The following NKD1 variants were observed in gnomAD, a reference collection of about 807,000 sequenced individuals.
The protein encoded by NKD1 is NKD inhibitor of Wnt signaling pathway 1.
Under a neutral mutation model 56.0 loss-of-function variants are expected in NKD1, and 21 were observed. That is an observed-to-expected ratio of 0.38 (90% CI 0.27 to 0.54). The LOEUF (loss-of-function observed/expected upper bound fraction) is 0.54, where lower values mean the gene tolerates loss of function less well. Ranked by LOEUF, NKD1 falls within the 20% of genes least tolerant of loss-of-function variation. The pLI is 0.82. For synonymous variants in NKD1, 263 were observed against 265.7 expected (o/e 0.99, Z 0.10); for missense variants, 578 against 642.7 (o/e 0.90, Z 1.09).
chr16:50,579,180 T>C (rs528416753), intron 3 of NKD1, among the ~76,000 whole-genome samples: 61 of 151,154 alleles, frequency 4.0e-4, no homozygotes, highest in Non-Finnish European at 6.5e-4. Context: ...ATGCACTGTC[T>C]TACTCCTGCA....
In NKD1 at chr16:50,598,262, TGC is replaced by T. The variant is rs1555489626; in HGVS notation, c.193-10027_193-10026del. 9.4e-5 allele frequency among the ~76,000 whole-genome samples: 14 copies of T among 148,670 alleles called. No homozygotes were observed. The highest frequency in any genetic ancestry group is 1.6e-4 in the Non-Finnish European group (11 of 67,540). On this transcript the variant is annotated intron_variant, in intron 3 of 9. Transcript: ENST00000268459. This position sits in a 1 kb window ranked among gnomAD's most constrained non-coding sequence, Gnocchi z 4.2. The stretch of plus-strand genomic sequence containing the variant: ...GTGTGTGTGTGTGTGTGTGTGTGTG[TGC>T]GCGCACACCTGTGCTCATGGACACT...
At chr16:50,597,084 T>G (rs1961488801) in intron 3 of NKD1, among the ~76,000 whole-genome samples, 1 of 151,356 alleles carries the variant, frequency 6.6e-6, no homozygotes, top group Non-Finnish European at 1.5e-5. Context: ...TGGGTAGGGG[T>G]TGGGGTGGCG....
At chr16:50,583,543 C>T (rs1220423054) in intron 3 of NKD1, among the ~76,000 whole-genome samples, 2 of 152,196 alleles carry the variant, frequency 1.3e-5, no homozygotes, top group Non-Finnish European at 2.9e-5. Context: ...ACCAGCACAA[C>T]TGCCCAGCTG....
intron 8 of NKD1, among the ~76,000 whole-genome samples, chr16:50,631,831 G>A (rs920352598): frequency 4.6e-5 from 7 of 152,236 alleles, no homozygotes; most frequent in Non-Finnish European, 8.8e-5. Context: ...CTGGGCCGTA[G>A]GGCAGGTCAT....
At chr16:50,578,236 T>C (rs1961031535) in intron 3 of NKD1, among the ~76,000 whole-genome samples, 1 of 152,180 alleles carries the variant, frequency 6.6e-6, no homozygotes, top group South Asian at 2.1e-4. Flanking sequence ...GATCCCTGAC[T>C]GTGAATCATT....
rs1338703423 is a variant in NKD1, at chr16:50,634,823, CAG to C, written c.*1044_*1045del. 4 of 152,288 alleles carry C rather than the reference CAG, an allele frequency of 2.6e-5. No homozygotes were observed. Among genetic ancestry groups the C allele is most frequent in the African/African-American group, 9.7e-5 (4 of 41,424 alleles). 9.4% of individuals were successfully genotyped at this position (152,288 alleles called of 1,614,324 possible). A position where few individuals can be genotyped will look rare whatever the true frequency, so the allele number is the denominator to read the frequency against. On this transcript the variant is annotated 3_prime_UTR_variant, in exon 10 of 10. Transcript: ENST00000268459. ...TCTCCTTTTGGGGCTGGACGGCTCT[CAG>C]ATGCTTTCATCAGAGGTCCATTCTC...
chr16:50,549,628 C>T, intron 3 of NKD1, 73 bp downstream of exon 3: 3 of 1,394,172 alleles, frequency 2.2e-6, no homozygotes, highest in Non-Finnish European at 1.9e-6. Context: ...AACCCATGCA[C>T]CCCAACTTTG....
rs1962383740 is a variant in NKD1, at chr16:50,633,175, G to C, written c.824-17G>C. 1 of 1,585,694 alleles carries C rather than the reference G, an allele frequency of 6.3e-7. No individual in the cohort carries two copies. The highest frequency in any genetic ancestry group is 1.2e-5 in the South Asian group (1 of 86,796). On this transcript the variant is annotated splice_polypyrimidine_tract_variant and intron_variant, in intron 9 of 9. Transcript: ENST00000268459. The surrounding 1 kb of genome is among the most constrained non-coding windows in gnomAD (Gnocchi z 4.9). ...CACAGTAGGTGCTCATTAAATGTCT[G>C]TTGAATTGGTTCCTAGGCTCCCCTT... is the stretch of plus-strand genomic sequence containing the variant.
At chr16:50,550,777 T>C (rs768063283) in intron 3 of NKD1, among the ~76,000 whole-genome samples, 32 of 152,174 alleles carry the variant, frequency 2.1e-4, no homozygotes, top group Non-Finnish European at 4.0e-4. Flanking sequence ...TTGATCTACT[T>C]ATTTATTTAA....
chr16:50,594,411 G>C (rs1031636389), intron 3 of NKD1, among the ~76,000 whole-genome samples: 7 of 152,336 alleles, frequency 4.6e-5, no homozygotes, highest in Non-Finnish European at 7.4e-5. Context: ...CGTAGTTCAG[G>C]GGAGAGCCCT....
intron 4 of NKD1, among the ~76,000 whole-genome samples, chr16:50,617,344 G>A (rs1391629175): frequency 6.7e-6 from 1 of 148,724 alleles, no homozygotes; most frequent in Non-Finnish European, 1.5e-5. Flanking sequence ...TTTGATCTCA[G>A]CGGAGGAAAA....
chr16:50,633,252 C>A lies in NKD1; in HGVS notation c.884C>A (p.Ser295Tyr). ...LPPRTSNPTR[S>Y]RSHEPEAIHI... is the part of the protein sequence containing the mutation. Reference sequence around the variant, plus strand: ...CCCCGCACCTCCAATCCCACTCGATCTCGCTCCCATGAGCCGGAAGCCATC... The same window carrying A: ...CCCCGCACCTCCAATCCCACTCGATATCGCTCCCATGAGCCGGAAGCCATC... The change falls in exon 10 of 10, where the codon TCT becomes TAT. Residue 295 changes from serine to tyrosine, a missense_variant. By Grantham distance (144) the Ser-to-Tyr change is moderately radical. Coordinates refer to ENST00000268459, the MANE Select transcript of NKD1 (RefSeq NM_033119.5). The surrounding 1 kb of genome is among the most constrained non-coding windows in gnomAD (Gnocchi z 4.9). The A allele has an allele frequency of 1.2e-6, 2 of 1,614,074 alleles. No individual in the cohort carries two copies. The highest frequency in any genetic ancestry group is 8.5e-7 in the Non-Finnish European group (1 of 1,179,958).
chr16:50,564,098 T>G (rs1960704071), intron 3 of NKD1, among the ~76,000 whole-genome samples: 2 of 152,270 alleles, frequency 1.3e-5, no homozygotes, highest in South Asian at 4.1e-4. Context: ...GAAGTACTGG[T>G]TAACCGTCTT....
At chr16:50,582,138 A>G (rs1041505451) in intron 3 of NKD1, among the ~76,000 whole-genome samples, 7 of 152,150 alleles carry the variant, frequency 4.6e-5, no homozygotes, top group East Asian at 1.9e-4. Context: ...GCCAGAGTGC[A>G]TTGCCCGCCC....
In NKD1 at chr16:50,554,185, A is replaced by G. The variant is rs184773482; in HGVS notation, c.192+4630A>G. On this transcript the variant is annotated intron_variant, in intron 3 of 9. Transcript: ENST00000268459. ...GCCCAAGAGCACCCTCTTCATTCACATTTTTGTAGGAAACCTGGGGGAAAT... is the reference window on the plus strand; with the variant it reads ...GCCCAAGAGCACCCTCTTCATTCACGTTTTTGTAGGAAACCTGGGGGAAAT... Among the ~76,000 whole-genome samples, 222 of 152,152 alleles carry G rather than the reference A, an allele frequency of 1.5e-3. 1 individual carries two copies. Among genetic ancestry groups the G allele is most frequent in the Non-Finnish European group, 3.5e-4 (24 of 67,990 alleles).
rs988181901 is a variant in NKD1, at chr16:50,572,809, C to T, written c.192+23254C>T. Reference sequence around the variant, plus strand: ...ACAGAGACAGATCCAAAGCCAGTTTCTTTCAAGCCCAGGAGATGTGGAGGT... The same window carrying T: ...ACAGAGACAGATCCAAAGCCAGTTTTTTTCAAGCCCAGGAGATGTGGAGGT... On this transcript the variant is annotated intron_variant, in intron 3 of 9. Coordinates refer to ENST00000268459, the MANE Select transcript of NKD1 (RefSeq NM_033119.5). 6 of 874,638 alleles carry T rather than the reference C, an allele frequency of 6.9e-6. No homozygotes were observed. In the African/African-American group the frequency reaches 1.1e-4, roughly 16 times the overall value. 54.2% of individuals were successfully genotyped at this position (874,638 alleles called of 1,614,324 possible). A position where few individuals can be genotyped will look rare whatever the true frequency, so the allele number is the denominator to read the frequency against.
chr16:50,618,212 C>A (rs1487855289), intron 4 of NKD1, among the ~76,000 whole-genome samples: 1 of 152,106 alleles, frequency 6.6e-6, no homozygotes, highest in Non-Finnish European at 1.5e-5. Flanking sequence ...GTTCCTCAGA[C>A]TTTCAATTGA....
chr16:50,548,798 G>A lies in NKD1; in HGVS notation c.58+49G>A, dbSNP rs1280903927. Reference sequence around the variant, plus strand: ...CTCGGGGATGGACGCGGGGGACACCGCGGCCGCGGCAGAACGGCCCAGCCC... The same window carrying A: ...CTCGGGGATGGACGCGGGGGACACCACGGCCGCGGCAGAACGGCCCAGCCC... On this transcript the variant is annotated intron_variant, in intron 2 of 9. Transcript: ENST00000268459. 5.2e-6 allele frequency: 7 copies of A among 1,349,168 alleles called. No individual in the cohort carries two copies. In the South Asian group the frequency reaches 1.3e-4, roughly 26 times the overall value. The allele number at this position is 1,349,168 out of a possible 1,614,324, so 83.6% of individuals were successfully genotyped here. A position where few individuals can be genotyped will look rare whatever the true frequency, so the allele number is the denominator to read the frequency against.
At chr16:50,594,072 TC>T (rs1285232765) in intron 3 of NKD1, among the ~76,000 whole-genome samples, 6 of 150,070 alleles carry the variant, frequency 4.0e-5, no homozygotes, top group African/African-American at 1.5e-4. Flanking sequence ...TGAGAGAGGT[TC>T]CTGGGGCACA....
Sources: gnomAD v4.1 joint callset for allele counts (sites outside exome capture counted in the v4.1 genomes callset) on GRCh38, gnomAD v4.1.1 for gene constraint, Gnocchi (gnomAD v3.1) non-coding constraint, MANE v1.5 for transcripts, NCBI Gene and HGNC (gene_info 2026-07-23, HGNC 2026-07-21) for gene names.